The following KIF13B variants were observed in gnomAD, a reference collection of about 807,000 sequenced individuals.
KIF13B encodes kinesin-like protein KIF13B.
KIF13B carries 127 observed loss-of-function variants against 222.0 expected under a neutral mutation model. The ratio of observed to expected loss-of-function variants is 0.57; its 90% CI spans 0.50 to 0.66. The LOEUF (loss-of-function observed/expected upper bound fraction) is 0.66, where lower values mean the gene tolerates loss of function less well. Among genes scored for constraint, KIF13B ranks in the 30% least tolerant of loss-of-function variants. The pLI is 0.00. For missense variants in KIF13B, 2,173 were observed against 2,379.0 expected, an observed-to-expected ratio of 0.91 and a Z score of 1.80; for synonymous variants, 976 against 919.0, an observed-to-expected ratio of 1.06 and a Z score of -1.12.
chr8:29,259,124 C>A (rs974468684), intron 1 of KIF13B, among the ~76,000 whole-genome samples: 1 of 152,042 alleles, frequency 6.6e-6, no homozygotes, highest in African/African-American at 2.4e-5. Flanking sequence ...ACAGAGAAAA[C>A]GATCTTCCTT....
intron 8 of KIF13B, among the ~76,000 whole-genome samples, chr8:29,177,796 G>A (rs964407802): frequency 3.3e-5 from 5 of 152,126 alleles, no homozygotes; most frequent in Admixed American, 3.3e-4. Flanking sequence ...TGTAGTCCCA[G>A]CTACTTGGGA....
intron 24 of KIF13B, among the ~76,000 whole-genome samples, chr8:29,127,826 A>G (rs1810181310): frequency 6.6e-6 from 1 of 152,134 alleles, no homozygotes; most frequent in Non-Finnish European, 1.5e-5. Context: ...AAAAATCTTA[A>G]GCACCTTTAA....
chr8:29,104,554 C>T (rs1029853938), intron 35 of KIF13B, among the ~76,000 whole-genome samples: 2 of 152,242 alleles, frequency 1.3e-5, no homozygotes, highest in South Asian at 2.1e-4. Context: ...CAGCTAGGGA[C>T]GGGGTGGGGC....
At chr8:29,177,735 C>T (rs1812541965) in intron 8 of KIF13B, among the ~76,000 whole-genome samples, 157 bp from the exon 9 acceptor site, 1 of 152,076 alleles carries the variant, frequency 6.6e-6, no homozygotes, top group Admixed American at 6.5e-5. Context: ...AATCCTGTCT[C>T]CACAAAAAAA....
In KIF13B at chr8:29,070,696, C is replaced by T. The variant is rs1375934937; in HGVS notation, c.5289G>A (p.Arg1763=). 1 of 1,561,552 alleles carries T rather than the reference C, an allele frequency of 6.4e-7. No individual in the cohort carries two copies. Among genetic ancestry groups the T allele is most frequent in the Non-Finnish European group, 8.7e-7 (1 of 1,153,312 alleles). The change falls in exon 40 of 40, where the codon AGG becomes AGA. Residue 1763 remains arginine, a synonymous_variant. Coordinates refer to ENST00000524189, the MANE Select transcript of KIF13B (RefSeq NM_015254.4). This position sits in a 1 kb window ranked among gnomAD's most constrained non-coding sequence, Gnocchi z 4.1. ...CCGTGGCCCTGCGGACCCGGCTGGGCCTGACCAGCAGCCCGTAGCCAGGGT... is the reference window on the plus strand; with the variant it reads ...CCGTGGCCCTGCGGACCCGGCTGGGTCTGACCAGCAGCCCGTAGCCAGGGT... ...RCNPGYGLLV[R]PSRVRRATGP... is the part of the protein sequence containing the mutation.
chr8:29,196,882 T>G (rs905717075), intron 2 of KIF13B, among the ~76,000 whole-genome samples: 1 of 152,142 alleles, frequency 6.6e-6, no homozygotes, highest in Non-Finnish European at 1.5e-5. Flanking sequence ...CTCAAAAAGT[T>G]CCAAATTCTG....
chr8:29,185,535 T>C (rs1481395503), intron 6 of KIF13B, among the ~76,000 whole-genome samples: 1 of 152,184 alleles, frequency 6.6e-6, no homozygotes, highest in South Asian at 2.1e-4. Context: ...ATCCTAAAGA[T>C]TATCATCTTG....
At chr8:29,181,543 A>C (rs1248737136) in intron 7 of KIF13B, among the ~76,000 whole-genome samples, 2 of 152,224 alleles carry the variant, frequency 1.3e-5, no homozygotes, top group Non-Finnish European at 2.9e-5. Flanking sequence ...TAGAAGAAGA[A>C]TGTTTACAAA....
At chr8:29,126,624 A>G (rs1810121991) in intron 25 of KIF13B, 113 bp from the exon 26 acceptor site, 2 of 709,054 alleles carry the variant, frequency 2.8e-6, no homozygotes, top group South Asian at 1.8e-5. Context: ...TTGAATTAAT[A>G]TACTATTTCA....
intron 37 of KIF13B, among the ~76,000 whole-genome samples, chr8:29,091,448 T>C (rs916330835): frequency 2.0e-5 from 3 of 152,228 alleles, no homozygotes; most frequent in South Asian, 2.1e-4. Flanking sequence ...CTGAAAACAC[T>C]GGATAGCAGA....
At chr8:29,226,172 A>T (rs903641428) in intron 2 of KIF13B, among the ~76,000 whole-genome samples, 1 of 152,190 alleles carries the variant, frequency 6.6e-6, no homozygotes, top group Non-Finnish European at 1.5e-5. Flanking sequence ...TCCTGGTTCC[A>T]GGAAAAGAGA....
chr8:29,080,077 C>T (rs1807733143), intron 37 of KIF13B, among the ~76,000 whole-genome samples: 1 of 152,078 alleles, frequency 6.6e-6, no homozygotes, highest in Non-Finnish European at 1.5e-5. Flanking sequence ...CAGTGGCTCT[C>T]GCACCTGCAA....
chr8:29,097,461 G>A (rs749960217), intron 36 of KIF13B, among the ~76,000 whole-genome samples: 14 of 152,062 alleles, frequency 9.2e-5, no homozygotes, highest in Non-Finnish European at 1.9e-4. Context: ...AAGATCCAGA[G>A]GATTTGAACA....
chr8:29,228,661 C>A (rs998405831), intron 2 of KIF13B, among the ~76,000 whole-genome samples: 4 of 151,798 alleles, frequency 2.6e-5, no homozygotes, highest in Non-Finnish European at 5.9e-5. Context: ...AGGGAAACTT[C>A]TGGGGAAGGT....
chr8:29,235,153 G>T (rs1252113234), intron 2 of KIF13B, among the ~76,000 whole-genome samples: 1 of 151,940 alleles, frequency 6.6e-6, no homozygotes, highest in Non-Finnish European at 1.5e-5. Context: ...ATATAACCTA[G>T]CTCTATAATG....
At chr8:29,199,575 A>C (rs1461932471) in intron 2 of KIF13B, among the ~76,000 whole-genome samples, 2 of 8,010 alleles carry the variant, frequency 2.5e-4, no homozygotes, top group Non-Finnish European at 5.9e-4. Context: ...TCCAAAATCC[A>C]AAAAAAAAAA....
intron 8 of KIF13B, among the ~76,000 whole-genome samples, chr8:29,178,268 G>T (rs1812565067): frequency 6.7e-6 from 1 of 150,288 alleles, no homozygotes. Flanking sequence ...CAAAACACTT[G>T]CAATTCTGAC....
At chr8:29,190,823 C>T in intron 4 of KIF13B, 174 bp downstream of exon 4, 1 of 651,948 alleles carries the variant, frequency 1.5e-6, no homozygotes, top group Non-Finnish European at 2.8e-6. Flanking sequence ...GCAGGGAAAA[C>T]TCCCCCAACA....
chr8:29,136,229 C>T (rs59051875), intron 21 of KIF13B, among the ~76,000 whole-genome samples: 17,622 of 152,130 alleles, frequency 0.12, 1,113 homozygotes, highest in South Asian at 0.15. Flanking sequence ...ATTTAAGGCA[C>T]GGCAATATGG....
Sources: gnomAD v4.1 joint callset for allele counts (sites outside exome capture counted in the v4.1 genomes callset) on GRCh38, gnomAD v4.1.1 for gene constraint, Gnocchi (gnomAD v3.1) non-coding constraint, MANE v1.5 for transcripts, NCBI Gene and HGNC (gene_info 2026-07-23, HGNC 2026-07-21) for gene names.